The following CRISPLD2 variants were observed in gnomAD, a reference collection of about 807,000 sequenced individuals.
CRISPLD2 encodes the protein cysteine rich secretory protein LCCL domain containing 2.
CRISPLD2 carries 47 observed loss-of-function variants against 71.1 expected under a neutral mutation model. The ratio of observed to expected loss-of-function variants is 0.66; its 90% CI spans 0.52 to 0.84. CRISPLD2 has a LOEUF of 0.84. Among genes scored for constraint, CRISPLD2 ranks in the 40% least tolerant of loss-of-function variants. CRISPLD2 has a pLI of 0.00. For missense variants in CRISPLD2, 830 were observed against 651.1 expected (o/e 1.27, Z -2.99); for synonymous variants, 317 against 250.1 (o/e 1.27, Z -2.52).
At chr16:84,854,648 C>A in intron 5 of CRISPLD2, 81 bp from the exon 6 acceptor site, 1 of 986,528 alleles carries the variant, frequency 1.0e-6, no homozygotes, top group Non-Finnish European at 1.6e-6. Flanking sequence ...TTCAGGGACT[C>A]ACGTGGGCCT....
intron 14 of CRISPLD2, among the ~76,000 whole-genome samples, chr16:84,896,622 C>T (rs558426073): frequency 8.6e-5 from 13 of 152,028 alleles, no homozygotes; most frequent in African/African-American, 2.2e-4. Flanking sequence ...CCTGAGCACA[C>T]GGAAGGTAGG....
intron 5 of CRISPLD2, among the ~76,000 whole-genome samples, chr16:84,851,612 G>A (rs1469559472): frequency 2.0e-5 from 3 of 152,208 alleles, no homozygotes; most frequent in Non-Finnish European, 2.9e-5. Context: ...GTGTGCCTGC[G>A]GTGGCGTGGC....
rs567940326 is a variant in CRISPLD2 at position 84,880,557 on chromosome 16, G to T, written c.1278G>T (p.Pro426=). 1 of 1,613,746 alleles carries T rather than the reference G, an allele frequency of 6.2e-7. No homozygotes were observed. Among genetic ancestry groups the T allele is most frequent in the South Asian group, 1.1e-5 (1 of 91,036 alleles). The change falls in exon 13 of 15, where the codon CCG becomes CCT. Residue 426 remains proline, a synonymous_variant. Coordinates refer to ENST00000262424, the MANE Select transcript of CRISPLD2 (RefSeq NM_031476.4). ...AAGACGAACCTTCCTACTGGGCTCCGGTGTTTGGAACCAACATCTATGCAG... is the reference window on the plus strand; with the variant it reads ...AAGACGAACCTTCCTACTGGGCTCCTGTGTTTGGAACCAACATCTATGCAG... ...HCKDEPSYWA[P]VFGTNIYADT...
chr16:84,860,035 G>T (rs1373610572), intron 6 of CRISPLD2, among the ~76,000 whole-genome samples: 1 of 151,972 alleles, frequency 6.6e-6, no homozygotes, highest in African/African-American at 2.4e-5. Flanking sequence ...GCTGGAATGA[G>T]TAGGTCCAAA....
intron 11 of CRISPLD2, among the ~76,000 whole-genome samples, chr16:84,875,786 G>C (rs1405513524): frequency 6.8e-6 from 1 of 146,244 alleles, no homozygotes; most frequent in Non-Finnish European, 1.5e-5. Flanking sequence ...GGCTGGTCTT[G>C]AACTCCTGAC....
Position 84,875,862 on chromosome 16 carries a change from G to T in CRISPLD2, c.1157-1576G>T, listed in dbSNP as rs147958917. On this transcript the variant is annotated intron_variant, in intron 11 of 14. Coordinates refer to ENST00000262424, the MANE Select transcript of CRISPLD2 (RefSeq NM_031476.4). Reference sequence around the variant, plus strand: ...ATTACATGCGTGAGCCATTGCACCCGGCCTGGACACCCTTGCTTTAAATGT... The same window carrying T: ...ATTACATGCGTGAGCCATTGCACCCTGCCTGGACACCCTTGCTTTAAATGT... Among the ~76,000 whole-genome samples, 56 of 151,228 alleles carry T rather than the reference G, an allele frequency of 3.7e-4. No homozygotes were observed. In the East Asian group the frequency reaches 0.011, roughly 29 times the overall value.
rs112707710 is a variant in CRISPLD2 at position 84,846,362 on chromosome 16, C to T, written c.359+458C>T. 4.3e-3 allele frequency among the ~76,000 whole-genome samples: 651 copies of T among 152,098 alleles called. 2 individuals carry two copies. The highest frequency in any genetic ancestry group is 0.034 in the Middle Eastern group (10 of 294). ...CTGTCTCCTGGGTTCAAGTGATTCT[C>T]GAGCCTCAGCCTCCCAAGTAGCTGG... On this transcript the variant is annotated intron_variant, in intron 3 of 14. Transcript: ENST00000262424.
At chr16:84,847,385 C>T (rs1022477830) in intron 3 of CRISPLD2, among the ~76,000 whole-genome samples, 1 of 152,164 alleles carries the variant, frequency 6.6e-6, no homozygotes, top group Non-Finnish European at 1.5e-5. Context: ...GGCAAGGTGG[C>T]TCATGCCTGT....
chr16:84,869,297 A>G (rs1294071484), intron 8 of CRISPLD2, among the ~76,000 whole-genome samples: 1 of 152,230 alleles, frequency 6.6e-6, no homozygotes, highest in Non-Finnish European at 1.5e-5. Flanking sequence ...TCTTTGTGGT[A>G]GTAAACAGCC....
chr16:84,854,925 TCA>T lies in CRISPLD2; in HGVS notation c.709+98_709+99del, dbSNP rs1917195163. On this transcript the variant is annotated intron_variant, in intron 6 of 14. Transcript: ENST00000262424. ...GAAACAGGGGAATTAAAGAAGTCAG[TCA>T]CCCCTCCTGGCCCTATTTAAGACGC... The T allele has an allele frequency of 3.1e-6, 3 of 958,326 alleles. No homozygotes were observed. In the Admixed American group the frequency reaches 5.2e-5, roughly 17 times the overall value. The allele number at this position is 958,326 out of a possible 1,614,324, so 59.4% of individuals were successfully genotyped here. A position where few individuals can be genotyped will look rare whatever the true frequency, so the allele number is the denominator to read the frequency against.
intron 5 of CRISPLD2, among the ~76,000 whole-genome samples, chr16:84,852,983 C>T (rs928079416): frequency 6.6e-6 from 1 of 152,246 alleles, no homozygotes; most frequent in East Asian, 1.9e-4. Flanking sequence ...GGGAGGATTG[C>T]TTGAGCCCAG....
chr16:84,825,365 C>A (rs1916326896), intron 1 of CRISPLD2, among the ~76,000 whole-genome samples: 1 of 152,078 alleles, frequency 6.6e-6, no homozygotes, highest in Non-Finnish European at 1.5e-5. Flanking sequence ...GAGTTCGAGT[C>A]CAGCTTGTGC....
At chr16:84,895,357 G>GCC (rs2071697269) in intron 14 of CRISPLD2, among the ~76,000 whole-genome samples, 1 of 152,114 alleles carries the variant, frequency 6.6e-6, no homozygotes, top group Non-Finnish European at 1.5e-5. Flanking sequence ...CCAAGAAGGG[G>GCC]CCAGGGAGAC....
At chr16:84,842,061 T>C (rs974639388) in intron 2 of CRISPLD2, 4 of 152,600 alleles carry the variant, frequency 2.6e-5, no homozygotes, top group Admixed American at 6.5e-5. Flanking sequence ...GCATTGCCCA[T>C]GGGTCAGGGC....
At chr16:84,877,278 A>G (rs2071527327) in intron 11 of CRISPLD2, among the ~76,000 whole-genome samples, 160 bp from the exon 12 acceptor site, 1 of 152,100 alleles carries the variant, frequency 6.6e-6, no homozygotes, top group African/African-American at 2.4e-5. Flanking sequence ...AAGTGCCCCT[A>G]CGTGGGGTAC....
At chr16:84,833,874 T>C (rs1203463550) in intron 1 of CRISPLD2, among the ~76,000 whole-genome samples, 2 of 152,084 alleles carry the variant, frequency 1.3e-5, no homozygotes, top group African/African-American at 4.8e-5. Flanking sequence ...CCAGCAGCCT[T>C]CCCAGGAGGC....
chr16:84,849,086 C>T, intron 3 of CRISPLD2: 1 of 297,204 alleles, frequency 3.4e-6, no homozygotes, highest in South Asian at 6.1e-5. Context: ...TACTAGAGAC[C>T]CCAGGTGAGC....
Position 84,866,878 on chromosome 16 carries a change from C to G in CRISPLD2, c.710-19C>G, listed in dbSNP as rs140517186. On this transcript the variant is annotated intron_variant, in intron 6 of 14. Coordinates refer to ENST00000262424, the MANE Select transcript of CRISPLD2 (RefSeq NM_031476.4). ...GAATCCCAGTGTGTTATTTTTTTTCCTCCCTCTCCAATGTTAAGAAGAAAC... is the reference window on the plus strand; with the variant it reads ...GAATCCCAGTGTGTTATTTTTTTTCGTCCCTCTCCAATGTTAAGAAGAAAC... 2.5e-4 allele frequency: 404 copies of G among 1,594,022 alleles called. 3 individuals carry two copies. In the African/African-American group the frequency reaches 4.6e-3, roughly 18 times the overall value.
At chr16:84,904,404 C>G (rs755657407) in intron 14 of CRISPLD2, among the ~76,000 whole-genome samples, 43 of 151,868 alleles carry the variant, frequency 2.8e-4, no homozygotes, top group Non-Finnish European at 4.0e-4. Context: ...GCCAACATGG[C>G]AAAACCCCAT....
Sources: allele counts gnomAD v4.1 joint callset (sites outside exome capture counted in the v4.1 genomes callset), GRCh38; gene constraint gnomAD v4.1.1; transcripts MANE v1.5; gene names NCBI Gene and HGNC (gene_info 2026-07-23, HGNC 2026-07-21).